The following CDH6 variants were observed in gnomAD, a reference collection of about 807,000 sequenced individuals.
CDH6 encodes cadherin 6.
CDH6 carries 31 observed loss-of-function variants against 78.0 expected under a neutral mutation model. The ratio of observed to expected loss-of-function variants is 0.40; its 90% CI spans 0.30 to 0.54. The LOEUF (loss-of-function observed/expected upper bound fraction) is 0.54, where lower values mean the gene tolerates loss of function less well. Among genes scored for constraint, CDH6 ranks in the 20% least tolerant of loss-of-function variants. CDH6 has a pLI of 0.56. For missense variants in CDH6, 724 were observed against 975.9 expected (o/e 0.74, Z 3.44); for synonymous variants, 376 against 368.8 (o/e 1.02, Z -0.23).
At chr5:31,290,871 CA>C (rs1193548482) in intron 2 of CDH6, among the ~76,000 whole-genome samples, 1 of 152,172 alleles carries the variant, frequency 6.6e-6, no homozygotes, top group Non-Finnish European at 1.5e-5. Flanking sequence ...CACTAGTTTT[CA>C]AATATTGATA....
At chr5:31,194,137 TC>T (rs989732889) in intron 1 of CDH6, among the ~76,000 whole-genome samples, 1 of 151,488 alleles carries the variant, frequency 6.6e-6, no homozygotes, top group African/African-American at 2.4e-5. Context: ...CTCCTCCGCC[TC>T]CTGGTAAGAC....
chr5:31,280,146 T>C (rs767252629), intron 2 of CDH6, among the ~76,000 whole-genome samples: 1 of 151,952 alleles, frequency 6.6e-6, no homozygotes, highest in Non-Finnish European at 1.5e-5. Context: ...AAGGGGAAGG[T>C]GTAGGGTGGG....
chr5:31,269,692 G>A (rs1197649632), intron 2 of CDH6, among the ~76,000 whole-genome samples: 3 of 152,192 alleles, frequency 2.0e-5, no homozygotes, highest in African/African-American at 7.2e-5. Context: ...GTAAACTGAG[G>A]TAATTAACAA....
At chr5:31,244,323 G>A (rs757155559) in intron 1 of CDH6, among the ~76,000 whole-genome samples, 5 of 152,130 alleles carry the variant, frequency 3.3e-5, no homozygotes, top group Non-Finnish European at 7.4e-5. Flanking sequence ...GTCATAGAGA[G>A]GATTCTGAGA....
intron 1 of CDH6, among the ~76,000 whole-genome samples, chr5:31,240,729 C>G (rs1741576158): frequency 2.0e-5 from 3 of 152,212 alleles, no homozygotes; most frequent in Non-Finnish European, 2.9e-5. Context: ...ATCCTCCATG[C>G]TCATCTGGCA....
At chr5:31,241,950 T>C (rs1417653264) in intron 1 of CDH6, among the ~76,000 whole-genome samples, 4 of 152,206 alleles carry the variant, frequency 2.6e-5, no homozygotes, top group Admixed American at 6.5e-5. Flanking sequence ...ATAAGTGTCA[T>C]TCAACAGCAT....
intron 1 of CDH6, among the ~76,000 whole-genome samples, chr5:31,263,361 C>A (rs957888779): frequency 8.6e-5 from 13 of 150,842 alleles, no homozygotes; most frequent in Admixed American, 7.3e-4. Context: ...TGGGTTCAAG[C>A]GCCTCCTGCC....
intron 1 of CDH6, among the ~76,000 whole-genome samples, chr5:31,225,071 T>A (rs1741112110): frequency 6.6e-6 from 1 of 152,144 alleles, no homozygotes; most frequent in South Asian, 2.1e-4. Flanking sequence ...GCCACTAACA[T>A]CCTGCAATGC....
Position 31,317,885 on chromosome 5 carries a change from G to T in CDH6, c.1843G>T (p.Ala615Ser), listed in dbSNP as rs762533155. 1.9e-6 allele frequency: 3 copies of T among 1,613,930 alleles called. No homozygotes were observed. Among genetic ancestry groups the T allele is most frequent in the Admixed American group, 3.3e-5 (2 of 60,032 alleles). ...CCACCCCACGGGACTGAGCACGGGGGCTCTGGTTGCCATCCTTCTGTGCAT... is the reference window on the plus strand; with the variant it reads ...CCACCCCACGGGACTGAGCACGGGGTCTCTGGTTGCCATCCTTCTGTGCAT... ...LIHPTGLSTG[A>S]LVAILLCIVI... The change falls in exon 11 of 12, where the codon GCT (alanine) becomes TCT (serine). Residue 615 changes from alanine (A) to serine (S), a missense_variant. Physicochemically the swap from Ala to Ser is moderately conservative, Grantham distance 99. Around this residue, in one of 3 missense-constraint regions of CDH6, gnomAD observed 220 missense variants for 240.6 expected, o/e 0.91. Transcript: ENST00000265071.
intron 1 of CDH6, among the ~76,000 whole-genome samples, chr5:31,244,275 T>G (rs1427221751): frequency 2.0e-5 from 3 of 152,206 alleles, no homozygotes; most frequent in Non-Finnish European, 2.9e-5. Context: ...ACAGCTGGAA[T>G]GAAGGACAAC....
At chr5:31,296,951 G>A (rs1031638790) in intron 3 of CDH6, among the ~76,000 whole-genome samples, 1 of 152,092 alleles carries the variant, frequency 6.6e-6, no homozygotes, top group Non-Finnish European at 1.5e-5. Flanking sequence ...GTGGACAAAG[G>A]AAGCAAGATG....
chr5:31,286,545 C>T (rs1743016265), intron 2 of CDH6, among the ~76,000 whole-genome samples: 2 of 152,034 alleles, frequency 1.3e-5, no homozygotes, highest in Non-Finnish European at 2.9e-5. Context: ...TGGCTGGAAC[C>T]AGGAGAGTTA....
At position 31,327,767 on chromosome 5, in the gene CDH6, G is replaced by T; in HGVS notation, c.*4459G>T. Reference sequence around the variant, plus strand: ...TCTTTATGGAATAATTTTCTAAAGGGTAATTCTCTACTAAAAATATCAGAC... The same window carrying T: ...TCTTTATGGAATAATTTTCTAAAGGTTAATTCTCTACTAAAAATATCAGAC... On this transcript the variant is annotated 3_prime_UTR_variant, in exon 12 of 12. Coordinates refer to ENST00000265071, the MANE Select transcript of CDH6 (RefSeq NM_004932.4). 4.8e-6 allele frequency: 1 copy of T among 209,262 alleles called. No individual in the cohort carries two copies. The highest frequency in any genetic ancestry group is 9.7e-6 in the Non-Finnish European group (1 of 103,038). The allele number at this position is 209,262 out of a possible 1,614,324, so 13.0% of individuals were successfully genotyped here.
chr5:31,311,607 C>T (rs969938868), intron 7 of CDH6, among the ~76,000 whole-genome samples: 12 of 152,280 alleles, frequency 7.9e-5, no homozygotes, highest in South Asian at 4.1e-4. Flanking sequence ...CCTGAGACTG[C>T]GTAATTTGTG....
At chr5:31,318,533 TG>T (rs1472140823) in intron 11 of CDH6, 1 of 230,406 alleles carries the variant, frequency 4.3e-6, no homozygotes, top group African/African-American at 2.2e-5. Context: ...GAAATCAGTA[TG>T]GGGGCCCAAA....
rs1254844229 is a variant in CDH6, at chr5:31,193,895, G to C, written c.-129+9G>C. The C allele has an allele frequency of 6.5e-6, 1 of 153,176 alleles. No individual in the cohort carries two copies. The highest frequency in any genetic ancestry group is 6.5e-5 in the Admixed American group (1 of 15,286). 9.5% of individuals were successfully genotyped at this position (153,176 alleles called of 1,614,324 possible). A position where few individuals can be genotyped will look rare whatever the true frequency, so the allele number is the denominator to read the frequency against. On this transcript the variant is annotated intron_variant, in intron 1 of 11. Transcript: ENST00000265071. The stretch of plus-strand genomic sequence containing the variant: ...CAGGAAGGCGAGCAGAGGTGGGTTC[G>C]GGCTCCGTTGGCTATGCATACATCT...
At chr5:31,255,676 C>G (rs1051720070) in intron 1 of CDH6, among the ~76,000 whole-genome samples, 5 of 152,170 alleles carry the variant, frequency 3.3e-5, no homozygotes, top group African/African-American at 1.2e-4. Context: ...CCTTCACAAG[C>G]CCCCTTCTGT....
rs371110006 is a variant in CDH6 at position 31,199,523 on chromosome 5, C to T, written c.-129+5637C>T. 4.0e-3 allele frequency among the ~76,000 whole-genome samples: 309 copies of T among 78,104 alleles called. 2 individuals carry two copies. Among genetic ancestry groups the T allele is most frequent in the African/African-American group, 0.012 (291 of 25,196 alleles). 51.2% of individuals were successfully genotyped at this position (78,104 alleles called of 152,430 possible). ...ATATGTGTATATATATGTACACACACATATGTGTATATATATGTATACACA... is the reference window on the plus strand; with the variant it reads ...ATATGTGTATATATATGTACACACATATATGTGTATATATATGTATACACA... On this transcript the variant is annotated intron_variant, in intron 1 of 11. Coordinates refer to ENST00000265071, the MANE Select transcript of CDH6 (RefSeq NM_004932.4).
Position 31,325,527 on chromosome 5 carries a change from A to G in CDH6, c.*2219A>G, listed in dbSNP as rs1179625458. On this transcript the variant is annotated 3_prime_UTR_variant, in exon 12 of 12. Transcript: ENST00000265071. ...TAAAATTAAAGAGGTCTCTATCTGT[A>G]TGTTTCATGTCACGTAACAAATTGA... is the stretch of plus-strand genomic sequence containing the variant. 8.7e-6 allele frequency: 2 copies of G among 230,976 alleles called. No individual in the cohort carries two copies. The highest frequency in any genetic ancestry group is 5.6e-5 in the Admixed American group (1 of 17,710). The allele number at this position is 230,976 out of a possible 1,614,324, so 14.3% of individuals were successfully genotyped here.
Sources: allele counts gnomAD v4.1 joint callset (sites outside exome capture counted in the v4.1 genomes callset), GRCh38; gene constraint gnomAD v4.1.1; regional missense constraint gnomAD v4.1.1; transcripts MANE v1.5; gene names NCBI Gene and HGNC (gene_info 2026-07-23, HGNC 2026-07-21).